Variants in MAP4K5 observed in about 807,000 individuals in gnomAD.
MAP4K5 encodes the protein MAPK/ERK kinase kinase kinase 5.
In MAP4K5, 82 loss-of-function variants were observed where a neutral mutation model predicts 135.6. The observed-to-expected ratio is 0.60, with a 90% CI of 0.51 to 0.73. The LOEUF (loss-of-function observed/expected upper bound fraction) is 0.73, where lower values mean the gene tolerates loss of function less well. Ranked by LOEUF, MAP4K5 falls within the 30% of genes least tolerant of loss-of-function variation. The pLI is 0.00. For missense variants in MAP4K5, 907 were observed against 1,010.9 expected, an observed-to-expected ratio of 0.90 and a Z score of 1.39; for synonymous variants, 347 against 335.0, an observed-to-expected ratio of 1.04 and a Z score of -0.39.
intron 5 of MAP4K5, among the ~76,000 whole-genome samples, chr14:50,485,283 T>C (rs2037340226): frequency 6.6e-6 from 1 of 152,164 alleles, no homozygotes; most frequent in African/African-American, 2.4e-5. Context: ...ATTTCAATTT[T>C]TTTTTACAAG....
In MAP4K5 at chr14:50,532,134, A is replaced by C; in HGVS notation, c.-85T>G. On this transcript the variant is annotated 5_prime_UTR_variant, in exon 2 of 33. The change abolishes an upstream ATG in the 5' untranslated region. Coordinates refer to ENST00000682126, the MANE Select transcript of MAP4K5 (RefSeq NM_006575.6). ...AGCACGAACGGCGCCGCTTCCCAAC[A>C]TGGAGCCTCCGCCCGCAGCTCCGTC... 140 of 774,836 alleles carry C rather than the reference A, an allele frequency of 1.8e-4. No individual in the cohort carries two copies. Among genetic ancestry groups the C allele is most frequent in the Non-Finnish European group, 2.3e-4 (110 of 479,136 alleles). The allele number at this position is 774,836 out of a possible 1,614,324, so 48.0% of individuals were successfully genotyped here.
At chr14:50,494,691 A>G (rs945735902) in intron 3 of MAP4K5, among the ~76,000 whole-genome samples, 1 of 152,224 alleles carries the variant, frequency 6.6e-6, no homozygotes, top group Non-Finnish European at 1.5e-5. Flanking sequence ...AAAAGCTACC[A>G]TAATCAAAAC....
chr14:50,422,418 A>C (rs2035754192), intron 32 of MAP4K5, among the ~76,000 whole-genome samples: 1 of 152,098 alleles, frequency 6.6e-6, no homozygotes, highest in South Asian at 2.1e-4. Flanking sequence ...AGCAATGTGA[A>C]CCTGAAGACC....
chr14:50,500,816 C>T (rs1005774506), intron 3 of MAP4K5, among the ~76,000 whole-genome samples: 1 of 152,060 alleles, frequency 6.6e-6, no homozygotes, highest in Admixed American at 6.6e-5. Flanking sequence ...AGAGAGAAAT[C>T]GAGGTTAATG....
intron 11 of MAP4K5, 132 bp downstream of exon 11, chr14:50,466,451 A>G (rs1349812748): frequency 2.1e-6 from 1 of 478,456 alleles, no homozygotes; most frequent in Non-Finnish European, 3.8e-6. Flanking sequence ...CTGCAAGCAA[A>G]TCAGCTGTGT....
chr14:50,446,191 A>G (rs1008081407), intron 16 of MAP4K5, 70 bp from the exon 17 acceptor site: 17 of 899,678 alleles, frequency 1.9e-5, no homozygotes, highest in Non-Finnish European at 2.9e-5. Context: ...ATACTATTAA[A>G]TATGTATTAA....
At chr14:50,426,256 T>C (rs547921800) in intron 30 of MAP4K5, among the ~76,000 whole-genome samples, 4 of 152,302 alleles carry the variant, frequency 2.6e-5, no homozygotes, top group Admixed American at 6.5e-5. Context: ...TATTCATTTC[T>C]TTCATACAAA....
upstream of MAP4K5, among the ~76,000 whole-genome samples, chr14:50,536,891 A>G (rs1288394671): frequency 1.3e-5 from 2 of 152,244 alleles, no homozygotes; most frequent in African/African-American, 2.4e-5. Flanking sequence ...TAAGGGAAGC[A>G]CAGCATAAAA....
At chr14:50,466,274 C>T (rs966943171) in intron 11 of MAP4K5, among the ~76,000 whole-genome samples, 6 of 147,674 alleles carry the variant, frequency 4.1e-5, no homozygotes, top group Non-Finnish European at 5.9e-5. Context: ...CCCAGCTACA[C>T]AAGAGGCTGA....
At chr14:50,459,699 CTT>C (rs58066955) in intron 13 of MAP4K5, among the ~76,000 whole-genome samples, 3 of 144,128 alleles carry the variant, frequency 2.1e-5, no homozygotes, top group Non-Finnish European at 3.0e-5. Flanking sequence ...CTTTCTTTCT[CTT>C]TTTTTTTTTT....
At chr14:50,524,889 T>C (rs1026297560) in intron 2 of MAP4K5, among the ~76,000 whole-genome samples, 28 of 152,344 alleles carry the variant, frequency 1.8e-4, no homozygotes, top group African/African-American at 6.0e-4. Flanking sequence ...ATCTTCCTCA[T>C]TGCAGTTAGA....
chr14:50,558,026 A>G (rs758109359), intron 1 of MAP4K5, among the ~76,000 whole-genome samples: 5 of 152,252 alleles, frequency 3.3e-5, no homozygotes, highest in African/African-American at 4.8e-5. Context: ...GATGCATAGC[A>G]CAATTTTTTT....
intron 10 of MAP4K5, chr14:50,468,355 T>C (rs542747797): frequency 7.6e-5 from 20 of 261,484 alleles, no homozygotes; most frequent in African/African-American, 1.5e-4. Context: ...TTTACTCTTA[T>C]GTTGTTTTAG....
intron 2 of MAP4K5, among the ~76,000 whole-genome samples, chr14:50,505,481 A>C (rs1411510682): frequency 2.0e-5 from 3 of 152,190 alleles, no homozygotes; most frequent in Admixed American, 6.5e-5. Context: ...CTTTGTATCT[A>C]TCCACAGCCT....
upstream of MAP4K5, among the ~76,000 whole-genome samples, chr14:50,536,427 ACT>A (rs2038493253): frequency 8.2e-6 from 1 of 121,620 alleles, no homozygotes; most frequent in East Asian, 2.3e-4. Flanking sequence ...CAAGAGCAAA[ACT>A]CTGTCTCAAA....
intron 14 of MAP4K5, among the ~76,000 whole-genome samples, chr14:50,454,587 T>C (rs2036559806): frequency 6.6e-6 from 1 of 152,070 alleles, no homozygotes; most frequent in Non-Finnish European, 1.5e-5. Flanking sequence ...AAGTCATTAA[T>C]AAAGTGACCT....
intron 1 of MAP4K5, among the ~76,000 whole-genome samples, chr14:50,555,498 G>A (rs1191203336): frequency 6.6e-6 from 1 of 152,114 alleles, no homozygotes; most frequent in Admixed American, 6.5e-5. Context: ...TGCCCAGGCT[G>A]GTTTGAAACT....
At chr14:50,440,754 T>C (rs1333933623) in intron 21 of MAP4K5, among the ~76,000 whole-genome samples, 4 of 152,126 alleles carry the variant, frequency 2.6e-5, no homozygotes, top group African/African-American at 9.7e-5. Flanking sequence ...TCAAACACTC[T>C]TTTGACCAAG....
intron 2 of MAP4K5, among the ~76,000 whole-genome samples, chr14:50,527,717 T>G (rs961513675): frequency 2.7e-4 from 41 of 152,126 alleles, no homozygotes; most frequent in African/African-American, 8.2e-4. Flanking sequence ...CCCTGGGAAC[T>G]AAACATGTTA....
Sources: gnomAD v4.1 joint callset for allele counts (sites outside exome capture counted in the v4.1 genomes callset) on GRCh38, gnomAD v4.1.1 for gene constraint, MANE v1.5 for transcripts, NCBI Gene and HGNC (gene_info 2026-07-23, HGNC 2026-07-21) for gene names.